PLA2G12A: variants seen among roughly 807,000 people sequenced by gnomAD.
PLA2G12A encodes phospholipase A2 group XIIA.
In PLA2G12A, 11 loss-of-function variants were observed where a neutral mutation model predicts 16.0. The ratio of observed to expected loss-of-function variants is 0.69; its 90% CI spans 0.43 to 1.13. The LOEUF (loss-of-function observed/expected upper bound fraction) is 1.13, where lower values mean the gene tolerates loss of function less well. Among genes scored for constraint, PLA2G12A ranks in the 50% most tolerant of loss-of-function variants. The pLI is 0.00. For synonymous variants in PLA2G12A, 77 were observed against 93.8 expected (o/e 0.82, Z 1.03); for missense variants, 214 against 237.3 (o/e 0.90, Z 0.65).
At chr4:109,729,050 A>T (rs1001224666) in intron 1 of PLA2G12A, among the ~76,000 whole-genome samples, 2 of 152,172 alleles carry the variant, frequency 1.3e-5, no homozygotes, top group Non-Finnish European at 2.9e-5. Flanking sequence ...CGGGTCACTG[A>T]TATCTAAGGA....
Position 109,717,709 on chromosome 4 carries a change from T to C in PLA2G12A, c.290A>G (p.Asn97Ser), listed in dbSNP as rs192244114. The change falls in exon 3 of 4, where the codon AAC becomes AGC. Residue 97 changes from asparagine to serine, a missense_variant. Coordinates refer to ENST00000243501, the MANE Select transcript of PLA2G12A (RefSeq NM_030821.5). Reference protein sequence around the residue: ...CGSPLFGVHLNIGIPSLTKCC... With the variant: ...CGSPLFGVHLSIGIPSLTKCC... ...CTTTGTCAGGGAAGGGATACCAATG[T>C]TAAGCTGCAAAAGGCATTTGGATGG... The C allele has an allele frequency of 4.8e-5, 77 of 1,613,824 alleles. No individual in the cohort carries two copies. The East Asian group carries it at 1.6e-3, about 34-fold the overall frequency.
rs1561269474 is a variant in PLA2G12A at position 109,713,155 on chromosome 4, A to AG, written c.*1221dup. ...ATAACTTTGGCCATGGGTCACCCAA[A>AG]GGATATATATGGCTTGAGGTCCCAG... On this transcript the variant is annotated 3_prime_UTR_variant, in exon 4 of 4. Transcript: ENST00000243501. 1 of 152,202 alleles carries AG rather than the reference A, an allele frequency of 6.6e-6. No homozygotes were observed. Among genetic ancestry groups the AG allele is most frequent in the Non-Finnish European group, 1.5e-5 (1 of 68,042 alleles). The allele number at this position is 152,202 out of a possible 1,614,324, so 9.4% of individuals were successfully genotyped here.
intron 1 of PLA2G12A, among the ~76,000 whole-genome samples, chr4:109,727,413 AT>A (rs1040083450): frequency 5.3e-5 from 8 of 150,144 alleles, no homozygotes; most frequent in Non-Finnish European, 7.4e-5. Context: ...GTCCTGCCTA[AT>A]TTTTTTTTTC....
intron 1 of PLA2G12A, among the ~76,000 whole-genome samples, chr4:109,728,456 C>T (rs1722981521): frequency 6.6e-6 from 1 of 152,150 alleles, no homozygotes; most frequent in African/African-American, 2.4e-5. Flanking sequence ...GCACTTAATC[C>T]TCCGAACAAG....
At chr4:109,719,396 T>C (rs1297290389) in intron 1 of PLA2G12A, among the ~76,000 whole-genome samples, 3 of 151,670 alleles carry the variant, frequency 2.0e-5, no homozygotes, top group Admixed American at 2.0e-4. Flanking sequence ...AGGAAAAGGT[T>C]AGGAGGGATA....
At position 109,713,554 on chromosome 4, in the gene PLA2G12A, A is replaced by G. The variant is rs1730772254; in HGVS notation, c.*823T>C. Reference sequence around the variant, plus strand: ...AATAGTGCCTTGATATATTAGGTTAAATATCTTTTCATTTATCTCATTAAA... The same window carrying G: ...AATAGTGCCTTGATATATTAGGTTAGATATCTTTTCATTTATCTCATTAAA... On this transcript the variant is annotated 3_prime_UTR_variant, in exon 4 of 4. Coordinates refer to ENST00000243501, the MANE Select transcript of PLA2G12A (RefSeq NM_030821.5). The G allele has an allele frequency of 6.6e-6, 1 of 152,234 alleles. No individual in the cohort carries two copies. The highest frequency in any genetic ancestry group is 1.5e-5 in the Non-Finnish European group (1 of 68,042). The allele number at this position is 152,234 out of a possible 1,614,324, so 9.4% of individuals were successfully genotyped here.
Position 109,710,200 on chromosome 4 carries a change from C to T in PLA2G12A, c.*4177G>A, listed in dbSNP as rs1180545219. On this transcript the variant is annotated 3_prime_UTR_variant, in exon 4 of 4. Coordinates refer to ENST00000243501, the MANE Select transcript of PLA2G12A (RefSeq NM_030821.5). ...GCAAGTAATTTCTATGAATTTTGAACAATACAATGTAGTGTATGTGGAAAG... is the reference window on the plus strand; with the variant it reads ...GCAAGTAATTTCTATGAATTTTGAATAATACAATGTAGTGTATGTGGAAAG... The T allele has an allele frequency of 6.6e-6, 1 of 152,168 alleles. No homozygotes were observed. Among genetic ancestry groups the T allele is most frequent in the African/African-American group, 2.4e-5 (1 of 41,444 alleles). The allele number at this position is 152,168 out of a possible 1,614,324, so 9.4% of individuals were successfully genotyped here.
Position 109,714,439 on chromosome 4 carries a change from G to A in PLA2G12A, c.508C>T (p.Pro170Ser). 1 of 1,614,052 alleles carries A rather than the reference G, an allele frequency of 6.2e-7. No individual in the cohort carries two copies. Residue 170 changes from proline (P) to serine (S), a missense_variant, in exon 4 of 4, where the codon CCA (proline) becomes TCA (serine). Physicochemically the swap from Pro to Ser is moderately conservative, Grantham distance 74 (BLOSUM62 -1). Coordinates refer to ENST00000243501, the MANE Select transcript of PLA2G12A (RefSeq NM_030821.5). ...GCGGCTCGTTGGCTGTCCAGATATG[G>A]TTTACAACCTAAATGTATAACACTG... ...FDSVIHLGCK[P>S]YLDSQRAACR... is the part of the protein sequence containing the mutation.
At chr4:109,720,458 GT>G (rs1730902195) in intron 1 of PLA2G12A, among the ~76,000 whole-genome samples, 1 of 150,720 alleles carries the variant, frequency 6.6e-6, no homozygotes, top group Admixed American at 6.6e-5. Context: ...CTGAAAAATG[GT>G]TTTGGCTGGG....
chr4:109,721,208 T>C (rs1730935303), intron 1 of PLA2G12A, among the ~76,000 whole-genome samples: 1 of 152,128 alleles, frequency 6.6e-6, no homozygotes. Context: ...GCCCTGTCCA[T>C]AAGGAAGGGT....
intron 1 of PLA2G12A, among the ~76,000 whole-genome samples, chr4:109,722,430 G>A (rs1722802566): frequency 1.3e-5 from 2 of 152,230 alleles, no homozygotes; most frequent in South Asian, 4.1e-4. Context: ...GACTATTGGA[G>A]GTGATTAGGT....
chr4:109,714,617 AT>A, intron 3 of PLA2G12A, 122 bp from the exon 4 acceptor site: 1 of 675,642 alleles, frequency 1.5e-6, no homozygotes. Context: ...GCTAGATGAA[AT>A]CACCAAACTC....
intron 2 of PLA2G12A, 94 bp from the exon 3 acceptor site, chr4:109,717,807 T>C: frequency 8.2e-7 from 1 of 1,222,898 alleles, no homozygotes; most frequent in South Asian, 1.4e-5. Flanking sequence ...TAAATGATAA[T>C]GACTGCTGTA....
At chr4:109,726,099 A>T (rs1190159383) in intron 1 of PLA2G12A, among the ~76,000 whole-genome samples, 1 of 152,066 alleles carries the variant, frequency 6.6e-6, no homozygotes, top group African/African-American at 2.4e-5. Context: ...CAGTGCTCAT[A>T]TCCTCTACCT....
rs1488110200 is a variant in PLA2G12A at position 109,713,864 on chromosome 4, G to A, written c.*513C>T. On this transcript the variant is annotated 3_prime_UTR_variant, in exon 4 of 4. Coordinates refer to ENST00000243501, the MANE Select transcript of PLA2G12A (RefSeq NM_030821.5). ...CTACAGAGAAACAACATATTATGTT[G>A]TACTTTAATTACATATTATGTGTAA... The A allele has an allele frequency of 1.3e-5, 2 of 154,214 alleles. No homozygotes were observed. Among genetic ancestry groups the A allele is most frequent in the East Asian group, 3.8e-4 (2 of 5,290 alleles). The allele number at this position is 154,214 out of a possible 1,614,324, so 9.6% of individuals were successfully genotyped here.
intron 1 of PLA2G12A, among the ~76,000 whole-genome samples, chr4:109,729,308 G>A (rs1286031230): frequency 6.7e-6 from 1 of 149,930 alleles, no homozygotes; most frequent in African/African-American, 2.4e-5. Context: ...TAAGTTCTTC[G>A]GCAACTTGGT....
chr4:109,717,433 C>T, intron 3 of PLA2G12A, 115 bp downstream of exon 3: 1 of 1,143,410 alleles, frequency 8.7e-7, no homozygotes, highest in Non-Finnish European at 1.2e-6. Flanking sequence ...AAGTCTGTGT[C>T]ACAATAGATA....
In PLA2G12A at chr4:109,710,339, C is replaced by T. The variant is rs1017420440; in HGVS notation, c.*4038G>A. Reference sequence around the variant, plus strand: ...ATCTTCTTTACTGTTAGATGTTATACGTGTCTTGTACTAGGATAAAATAAT... The same window carrying T: ...ATCTTCTTTACTGTTAGATGTTATATGTGTCTTGTACTAGGATAAAATAAT... On this transcript the variant is annotated 3_prime_UTR_variant, in exon 4 of 4. Transcript: ENST00000243501. 1.3e-5 allele frequency: 2 copies of T among 152,316 alleles called. No individual in the cohort carries two copies. The highest frequency in any genetic ancestry group is 3.9e-4 in the East Asian group (2 of 5,192). 9.4% of individuals were successfully genotyped at this position (152,316 alleles called of 1,614,324 possible).
chr4:109,714,227 T>G lies in PLA2G12A; in HGVS notation c.*150A>C, dbSNP rs1367969441. ...CACTATCTCCCTCACTTTTTTTGCT[T>G]TGAGGTTTTAACATCAAGATATAAA... On this transcript the variant is annotated 3_prime_UTR_variant, in exon 4 of 4. Transcript: ENST00000243501. The G allele has an allele frequency of 2.9e-6, 2 of 684,910 alleles. No individual in the cohort carries two copies. Among genetic ancestry groups the G allele is most frequent in the Non-Finnish European group, 5.1e-6 (2 of 392,100 alleles). The allele number at this position is 684,910 out of a possible 1,614,324, so 42.4% of individuals were successfully genotyped here.
Sources: gnomAD v4.1 joint callset for allele counts (sites outside exome capture counted in the v4.1 genomes callset) on GRCh38, gnomAD v4.1.1 for gene constraint, MANE v1.5 for transcripts, NCBI Gene and HGNC (gene_info 2026-07-23, HGNC 2026-07-21) for gene names.